The following BMPER variants were observed in gnomAD, a reference collection of about 807,000 sequenced individuals.
BMPER encodes BMP binding endothelial regulator.
In BMPER, 45 loss-of-function variants were observed where a neutral mutation model predicts 87.3. The observed-to-expected ratio is 0.52, with a 90% confidence interval of 0.41 to 0.66. The LOEUF is 0.66. BMPER is among the 30% of genes least tolerant of loss of function. The probability of loss-of-function intolerance (pLI) is 0.00; values close to 1 mark genes in which losing one functional copy is unlikely to be tolerated. For missense variants in BMPER, 784 were observed against 867.5 expected, an observed-to-expected ratio of 0.90 and a Z score of 1.21; for synonymous variants, 326 against 316.2, an observed-to-expected ratio of 1.03 and a Z score of -0.33.
At chr7:34,111,351 C>T (rs1415082865) in intron 13 of BMPER, among the ~76,000 whole-genome samples, 1 of 152,150 alleles carries the variant, frequency 6.6e-6, no homozygotes, top group Non-Finnish European at 1.5e-5. Flanking sequence ...ATTGGTTCCC[C>T]AGTTACCTTT....
At chr7:34,079,921 CTGTTACT>C (rs59520175) in intron 12 of BMPER, among the ~76,000 whole-genome samples, 1,652 of 152,260 alleles carry the variant, frequency 0.011, 29 homozygotes, top group African/African-American at 0.037. Flanking sequence ...AAACTCTTGT[CTGTTACT>C]TGCTACCTAA....
intron 13 of BMPER, among the ~76,000 whole-genome samples, chr7:34,119,156 C>T (rs1390679609): frequency 2.0e-5 from 3 of 152,098 alleles, no homozygotes; most frequent in Non-Finnish European, 4.4e-5. Context: ...ATATATCCAT[C>T]ACTGGCTAGG....
chr7:33,918,356 A>T (rs1784136007), intron 2 of BMPER, among the ~76,000 whole-genome samples: 1 of 152,212 alleles, frequency 6.6e-6, no homozygotes, highest in Non-Finnish European at 1.5e-5. Flanking sequence ...CCAAGATACT[A>T]AAATTGCTCC....
chr7:34,045,535 AG>A (rs1335901363), intron 6 of BMPER, among the ~76,000 whole-genome samples: 7 of 152,286 alleles, frequency 4.6e-5, no homozygotes, highest in Non-Finnish European at 2.9e-5. Flanking sequence ...ATGAGGGGGC[AG>A]GGAAAATATT....
intron 6 of BMPER, among the ~76,000 whole-genome samples, chr7:33,984,030 C>A (rs1785931901): frequency 6.6e-6 from 1 of 152,182 alleles, no homozygotes; most frequent in South Asian, 2.1e-4. Flanking sequence ...GAACACATAT[C>A]TGTTATCCTC....
chr7:34,149,678 C>T (rs545448601), intron 14 of BMPER, among the ~76,000 whole-genome samples: 16 of 151,936 alleles, frequency 1.1e-4, no homozygotes, highest in African/African-American at 3.6e-4. Context: ...GCAGAAGAAC[C>T]AGGAGAGTTC....
At chr7:34,106,293 C>A in intron 13 of BMPER, among the ~76,000 whole-genome samples, 1 of 152,202 alleles carries the variant, frequency 6.6e-6, no homozygotes, top group East Asian at 1.9e-4. Flanking sequence ...TACTAGTTAC[C>A]TACTCTATTG....
intron 7 of BMPER, 146 bp downstream of exon 7, chr7:34,046,551 A>C: frequency 1.2e-6 from 1 of 858,342 alleles, no homozygotes; most frequent in Non-Finnish European, 1.9e-6. Context: ...TAATTACAGA[A>C]GTGGAAGGTG....
intron 6 of BMPER, among the ~76,000 whole-genome samples, chr7:33,988,966 T>G (rs1344663328): frequency 7.3e-6 from 1 of 136,550 alleles, no homozygotes. Flanking sequence ...TATGGCTGCA[T>G]AGTATTCCAT....
intron 13 of BMPER, among the ~76,000 whole-genome samples, chr7:34,098,639 G>A (rs1340946107): frequency 1.3e-5 from 2 of 152,098 alleles, no homozygotes; most frequent in South Asian, 2.1e-4. Flanking sequence ...GCCCATCTGC[G>A]AGCATGAAGG....
intron 11 of BMPER, among the ~76,000 whole-genome samples, chr7:34,062,531 C>A (rs527608610): frequency 1.4e-5 from 2 of 141,642 alleles, no homozygotes; most frequent in East Asian, 2.3e-4. Context: ...AAAGAGAAAA[C>A]AAGAAGTCAT....
chr7:33,969,816 G>T (rs1159034544), intron 4 of BMPER, among the ~76,000 whole-genome samples: 1 of 152,202 alleles, frequency 6.6e-6, no homozygotes, highest in East Asian at 1.9e-4. Flanking sequence ...CCCAGGCTCT[G>T]TGTGAGGCAG....
chr7:34,132,466 C>G (rs964560957), intron 13 of BMPER, among the ~76,000 whole-genome samples: 1 of 152,134 alleles, frequency 6.6e-6, no homozygotes. Flanking sequence ...GCCTCCGGAT[C>G]GAAGCCAGGT....
chr7:34,011,583 C>CAAAAAAAAAAAAAAAAA (rs36022297), intron 6 of BMPER, among the ~76,000 whole-genome samples: 4 of 45,756 alleles, frequency 8.7e-5, no homozygotes, highest in African/African-American at 1.3e-4. Context: ...TTGGTCAGGG[C>CAAAAAAAAAAAAAAAAA]AAAAAAAAAA....
intron 11 of BMPER, among the ~76,000 whole-genome samples, chr7:34,073,411 AG>A (rs1258440077): frequency 1.3e-5 from 2 of 152,262 alleles, no homozygotes; most frequent in Admixed American, 6.5e-5. Flanking sequence ...TACAATGGCA[AG>A]TATTTTTGTA....
intron 12 of BMPER, among the ~76,000 whole-genome samples, chr7:34,081,822 A>G (rs1789056882): frequency 6.6e-6 from 1 of 152,146 alleles, no homozygotes; most frequent in South Asian, 2.1e-4. Context: ...TGAATAGAAA[A>G]ACTATCAATT....
At chr7:34,029,639 C>T (rs1787472072) in intron 6 of BMPER, among the ~76,000 whole-genome samples, 1 of 152,086 alleles carries the variant, frequency 6.6e-6, no homozygotes, top group Non-Finnish European at 1.5e-5. Context: ...TTATTTCTGC[C>T]ATTGCCACCT....
At chr7:34,099,494 A>G (rs1210575969) in intron 13 of BMPER, among the ~76,000 whole-genome samples, 1 of 152,210 alleles carries the variant, frequency 6.6e-6, no homozygotes, top group Non-Finnish European at 1.5e-5. Context: ...CAAAATTGTC[A>G]AAATTATTTG....
intron 11 of BMPER, among the ~76,000 whole-genome samples, chr7:34,068,876 A>G (rs751588491): frequency 1.7e-4 from 26 of 152,210 alleles, no homozygotes; most frequent in Non-Finnish European, 2.9e-4. Context: ...GACTCACAGC[A>G]GTACTAACTG....
Sources: allele counts gnomAD v4.1 joint callset (sites outside exome capture counted in the v4.1 genomes callset), GRCh38; gene constraint gnomAD v4.1.1; transcripts MANE v1.5; gene names NCBI Gene and HGNC (gene_info 2026-07-23, HGNC 2026-07-21).